Variants in RADX observed in about 807,000 individuals in gnomAD.
The protein encoded by RADX is RPA-related protein RADX.
In RADX, 36 loss-of-function variants were observed where a neutral mutation model predicts 61.6. The observed-to-expected ratio is 0.58, with a 90% CI of 0.45 to 0.77. The LOEUF is 0.77. RADX is among the 30% of genes least tolerant of loss of function. RADX has a pLI of 0.00. For synonymous variants in RADX, 272 were observed against 237.9 expected, an observed-to-expected ratio of 1.14 and a Z score of -1.32; for missense variants, 497 against 651.1, an observed-to-expected ratio of 0.76 and a Z score of 2.58.
Position 106,632,721 on chromosome X carries a change from G to A in RADX, c.1076G>A (p.Arg359Gln), listed in dbSNP as rs746611349. ...TGGAGACTGCCAAAGCTAAATCACC[G>A]ATTTACCACAAGGTAAAATAGTTTC... ...PEWRLPKLNHRFTTRSELDDM... is the reference protein window; with the variant it reads ...PEWRLPKLNHQFTTRSELDDM... Residue 359 changes from arginine (R) to glutamine (Q), a missense_variant, in exon 4 of 14, where the codon CGA (arginine) becomes CAA (glutamine). Arg to Gln is a conservative substitution (Grantham distance 43). Coordinates refer to ENST00000372548, the MANE Select transcript of RADX (RefSeq NM_018015.6). The A allele has an allele frequency of 5.2e-6, 6 of 1,149,748 alleles. No homozygotes were observed. The highest frequency in any genetic ancestry group is 1.9e-5 in the South Asian group (1 of 53,349). 94.8% of individuals were successfully genotyped at this position (1,149,748 alleles called of 1,213,427 possible). A position where few individuals can be genotyped will look rare whatever the true frequency, so the allele number is the denominator to read the frequency against.
intron 6 of RADX, among the ~76,000 whole-genome samples, chrX:106,635,140 CT>C (rs1229596065): frequency 9.1e-6 from 1 of 110,166 alleles, no homozygotes; most frequent in East Asian, 2.9e-4. Context: ...GGTAGTATGA[CT>C]TTTTTTTTCA....
rs1244866154 is a variant in RADX at position 106,637,699 on chromosome X, C to A, written c.1409-61C>A. The stretch of plus-strand genomic sequence containing the variant: ...CTGTTTTTACACAAAAATTTGCATA[C>A]AGATTGTTACAGTGACATTTTTATT... On this transcript the variant is annotated intron_variant, in intron 7 of 13. Coordinates refer to ENST00000372548, the MANE Select transcript of RADX (RefSeq NM_018015.6). The A allele has an allele frequency of 5.1e-6, 5 of 974,094 alleles. No homozygotes were observed. The African/African-American group carries it at 7.9e-5, about 15-fold the overall frequency. 80.3% of individuals were successfully genotyped at this position (974,094 alleles called of 1,213,427 possible).
At chrX:106,647,702 A>G (rs750036399) in intron 10 of RADX, among the ~76,000 whole-genome samples, 2 of 110,903 alleles carry the variant, frequency 1.8e-5, no homozygotes, top group South Asian at 3.8e-4. Context: ...GGGTGAGATG[A>G]TATCTCATTG....
intron 10 of RADX, 31 bp downstream of exon 10, chrX:106,640,752 T>C (rs375863302): frequency 9.2e-5 from 95 of 1,032,792 alleles, no homozygotes; most frequent in Non-Finnish European, 1.2e-4. Context: ...ATATGTAAAG[T>C]ATATTTTTTC....
intron 11 of RADX, among the ~76,000 whole-genome samples, chrX:106,659,645 ATT>A (rs1158366847): frequency 9.0e-6 from 1 of 111,240 alleles, no homozygotes; most frequent in Non-Finnish European, 1.9e-5. Context: ...CTCTAGATAT[ATT>A]TTGTCTCTTT....
intron 1 of RADX, among the ~76,000 whole-genome samples, chrX:106,619,757 TTG>T (rs1314776266): frequency 2.8e-5 from 3 of 107,481 alleles, no homozygotes; most frequent in Non-Finnish European, 5.6e-5. Context: ...CAATTTTTAT[TTG>T]TGTGTATATT....
intron 11 of RADX, among the ~76,000 whole-genome samples, chrX:106,650,065 G>C (rs951248373): frequency 9.0e-6 from 1 of 111,171 alleles, no homozygotes; most frequent in Admixed American, 9.6e-5. Context: ...CAGACCACAG[G>C]CCTCCTACTT....
In RADX at chrX:106,662,108, G is replaced by A; in HGVS notation, c.2072G>A (p.Gly691Asp). 1 of 1,210,133 alleles carries A rather than the reference G, an allele frequency of 8.3e-7. No individual in the cohort carries two copies. Among genetic ancestry groups the A allele is most frequent in the Non-Finnish European group, 1.1e-6 (1 of 894,529 alleles). Residue 691 changes from glycine (G) to aspartate (D), a missense_variant, in exon 12 of 14, where the codon GGC becomes GAC. Physicochemically the swap from Gly to Asp is moderately conservative, Grantham distance 94. Transcript: ENST00000372548. ...CAGCTGTGGAGAGAGAAAAAGTTTG[G>A]CTTAATAGATCACCTACACTACAGC... ...ESQLWREKKF[G>D]LIDHLHYSRV...
chrX:106,664,149 A>G (rs1265355694), intron 12 of RADX, among the ~76,000 whole-genome samples: 1 of 111,608 alleles, frequency 9.0e-6, no homozygotes, highest in East Asian at 2.8e-4. Flanking sequence ...ATTACTAGGT[A>G]CTTGCAAATA....
Position 106,678,453 on chromosome X carries a change from G to T in RADX, c.*195G>T. The T allele has an allele frequency of 1.3e-5, 4 of 314,613 alleles. No homozygotes were observed. Among genetic ancestry groups the T allele is most frequent in the East Asian group, 5.0e-5 (1 of 19,846 alleles). 25.9% of individuals were successfully genotyped at this position (314,613 alleles called of 1,213,427 possible). ...TCATTTCAGATTCATTATTGAAAAA[G>T]GTCATCAAAATAATTTTTGTGTATA... On this transcript the variant is annotated 3_prime_UTR_variant, in exon 14 of 14. Transcript: ENST00000372548.
intron 1 of RADX, among the ~76,000 whole-genome samples, chrX:106,619,440 C>T (rs2147611080): frequency 9.0e-6 from 1 of 111,391 alleles, no homozygotes; most frequent in East Asian, 2.8e-4. Context: ...CAGGATTGTT[C>T]TAAGTTTATA....
In RADX at chrX:106,633,200, A is replaced by G; in HGVS notation, c.1251A>G (p.Ile417Met). Residue 417 changes from isoleucine (I) to methionine (M), a missense_variant, in exon 6 of 14, where the codon ATA becomes ATG. Ile to Met is a conservative substitution (Grantham distance 10, BLOSUM62 1). This residue lies in a region of RADX where 196 missense variants were observed against 315.0 expected (regional missense o/e 0.62). Transcript: ENST00000372548. Reference protein sequence around the residue: ...IADGTSEQPFIVELFSTSQPE... With the variant: ...IADGTSEQPFMVELFSTSQPE... ...ACGGTACTTCAGAACAACCATTTAT[A>G]GTGGAACTGTTTTCAACATCGCAGC... 1 of 1,205,229 alleles carries G rather than the reference A, an allele frequency of 8.3e-7. No individual in the cohort carries two copies. The highest frequency in any genetic ancestry group is 2.3e-4 in the Middle Eastern group (1 of 4,307).
Position 106,669,186 on chromosome X carries a change from G to A in RADX, c.2293G>A (p.Asp765Asn), listed in dbSNP as rs751214007. Residue 765 changes from aspartate to asparagine, a missense_variant, in exon 13 of 14, where the codon GAT becomes AAT. By Grantham distance (23) the Asp-to-Asn change is conservative (BLOSUM62 1). Around this residue, in one of 3 missense-constraint regions of RADX, gnomAD observed 267 missense variants for 306.9 expected, o/e 0.87. Coordinates refer to ENST00000372548, the MANE Select transcript of RADX (RefSeq NM_018015.6). ...ILGLNHEIAI[D>N]VAFLPMYCPE... is the part of the protein sequence containing the mutation. The stretch of plus-strand genomic sequence containing the variant: ...AGGTCTGAACCATGAGATAGCAATC[G>A]ATGTTGCTTTCCTACCCATGTATTG... The A allele has an allele frequency of 4.2e-6, 5 of 1,203,775 alleles. No homozygotes were observed. The Admixed American group carries it at 8.8e-5, about 21-fold the overall frequency.
In RADX at chrX:106,626,998, A is replaced by G. The variant is rs377066576; in HGVS notation, c.979+1716A>G. Among the ~76,000 whole-genome samples the G allele has an allele frequency of 2.0e-3, 224 of 112,170 alleles. 2 individuals are homozygous for G. The highest frequency in any genetic ancestry group is 6.9e-3 in the African/African-American group (213 of 30,866). ...GCCTTTGTAGACTGAAGGCAGCCATATGTATGTAAAGGAATGTATATGGCA... is the reference window on the plus strand; with the variant it reads ...GCCTTTGTAGACTGAAGGCAGCCATGTGTATGTAAAGGAATGTATATGGCA... On this transcript the variant is annotated intron_variant, in intron 3 of 13. Transcript: ENST00000372548.
chrX:106,667,206 A>G (rs906874020), intron 12 of RADX, among the ~76,000 whole-genome samples: 1 of 111,887 alleles, frequency 8.9e-6, no homozygotes, highest in African/African-American at 3.3e-5. Flanking sequence ...CTTGGGGGAG[A>G]TGTAGTTATC....
chrX:106,622,828 A>T, intron 2 of RADX, 35 bp downstream of exon 2: 7 of 926,258 alleles, frequency 7.6e-6, no homozygotes, highest in Non-Finnish European at 1.0e-5. Flanking sequence ...TTAATTTAAA[A>T]GTTATAAATT....
At chrX:106,628,467 A>G (rs920032662) in intron 3 of RADX, among the ~76,000 whole-genome samples, 1 of 111,399 alleles carries the variant, frequency 9.0e-6, no homozygotes, top group African/African-American at 3.3e-5. Flanking sequence ...TGTTCTGAGC[A>G]TTATAAATGA....
rs755279172 is a variant in RADX, at chrX:106,659,140, C to CTATTAT, written c.1979-2863_1979-2858dup. On this transcript the variant is annotated intron_variant, in intron 11 of 13. Transcript: ENST00000372548. ...ATGCCTGCTTATTTTATTACTATTA[C>CTATTAT]TATTATTATTATTATTACTTTGTAG... 4.5e-5 allele frequency among the ~76,000 whole-genome samples: 5 copies of CTATTAT among 110,414 alleles called. No individual in the cohort carries two copies. The South Asian group carries it at 1.5e-3, about 34-fold the overall frequency.
intron 12 of RADX, among the ~76,000 whole-genome samples, chrX:106,664,341 T>C (rs1479994890): frequency 2.7e-5 from 3 of 110,459 alleles, no homozygotes; most frequent in Non-Finnish European, 3.8e-5. Flanking sequence ...TGATTATAAA[T>C]CAGATCTCCT....
Sources: allele counts gnomAD v4.1 joint callset (sites outside exome capture counted in the v4.1 genomes callset), GRCh38; gene constraint gnomAD v4.1.1; regional missense constraint gnomAD v4.1.1; transcripts MANE v1.5; gene names NCBI Gene and HGNC (gene_info 2026-07-23, HGNC 2026-07-21).